The following AUTS2 variants were observed in gnomAD, a reference collection of about 807,000 sequenced individuals.
AUTS2 encodes the protein autism susceptibility gene 2 protein.
In AUTS2, 17 loss-of-function variants were observed where a neutral mutation model predicts 112.4. The ratio of observed to expected loss-of-function variants is 0.15; its 90% confidence interval spans 0.10 to 0.23. The LOEUF is 0.23. AUTS2 is among the 10% of genes least tolerant of loss of function. The probability of loss-of-function intolerance (pLI) is 1.00; values close to 1 mark genes in which losing one functional copy is unlikely to be tolerated. For synonymous variants in AUTS2, 751 were observed against 702.7 expected (o/e 1.07, Z -1.09); for missense variants, 1,510 against 1,701.6 (o/e 0.89, Z 1.98).
Position 70,790,817 on chromosome 7 carries a change from G to A in AUTS2, c.3601G>A (p.Ala1201Thr). ...SMHYPRISPT[A>T]GNQNGLLNKT... is the part of the protein sequence containing the mutation. ...GCACTATCCCCGCATCAGCCCCACC[G>A]CGGGCAACCAGAACGGACTCCTCAA... The change falls in exon 19 of 19, where the codon GCG becomes ACG. Residue 1201 changes from alanine to threonine, a missense_variant. This residue lies in a region of AUTS2 where 788 missense variants were observed against 797.6 expected (regional missense o/e 0.99). Transcript: ENST00000342771. The surrounding 1 kb of genome is among the most constrained non-coding windows in gnomAD (Gnocchi z 7.6). 3 of 1,605,232 alleles carry A rather than the reference G, an allele frequency of 1.9e-6. No homozygotes were observed. Among genetic ancestry groups the A allele is most frequent in the Non-Finnish European group, 1.7e-6 (2 of 1,175,034 alleles).
chr7:70,223,748 C>A (rs1406945837), intron 4 of AUTS2, among the ~76,000 whole-genome samples: 2 of 152,008 alleles, frequency 1.3e-5, no homozygotes, highest in Non-Finnish European at 2.9e-5. Context: ...CATGTTATTG[C>A]CCCTGAAGAC....
intron 1 of AUTS2, among the ~76,000 whole-genome samples, chr7:69,765,483 C>T (rs905857211): frequency 1.3e-5 from 2 of 152,038 alleles, no homozygotes; most frequent in African/African-American, 4.8e-5. Flanking sequence ...ATTAATTACC[C>T]CCACCCCTTT....
At chr7:70,739,936 A>C (rs573742229) in intron 6 of AUTS2, among the ~76,000 whole-genome samples, 1 of 152,176 alleles carries the variant, frequency 6.6e-6, no homozygotes, top group Non-Finnish European at 1.5e-5. Flanking sequence ...AATGTTGGAC[A>C]ACAGCAGTAT....
chr7:69,838,316 A>G (rs901072273), intron 1 of AUTS2, among the ~76,000 whole-genome samples: 1 of 152,124 alleles, frequency 6.6e-6, no homozygotes. Context: ...GATGATGATG[A>G]TGATGATAGC....
intron 4 of AUTS2, among the ~76,000 whole-genome samples, chr7:70,283,245 ATGTTT>A (rs1788306239): frequency 6.6e-6 from 1 of 152,154 alleles, no homozygotes; most frequent in South Asian, 2.1e-4. Context: ...TCTTTCGTTT[ATGTTT>A]TGTTTTGTGA....
chr7:70,055,530 A>G (rs951347372), intron 2 of AUTS2, among the ~76,000 whole-genome samples: 10 of 152,130 alleles, frequency 6.6e-5, no homozygotes, highest in Non-Finnish European at 2.9e-5. Context: ...ATACTGTTAC[A>G]CTCTGTTGTA....
At chr7:70,247,109 A>G (rs1812965838) in intron 4 of AUTS2, among the ~76,000 whole-genome samples, 1 of 152,196 alleles carries the variant, frequency 6.6e-6, no homozygotes, top group Non-Finnish European at 1.5e-5. Context: ...AAAGGTAGAA[A>G]TAACTCACAT....
At chr7:69,771,656 T>C (rs1449474416) in intron 1 of AUTS2, among the ~76,000 whole-genome samples, 15 of 152,128 alleles carry the variant, frequency 9.9e-5, no homozygotes, top group Admixed American at 9.8e-4. Flanking sequence ...GTTTGCCTAG[T>C]AGACAATAAG....
intron 18 of AUTS2, among the ~76,000 whole-genome samples, chr7:70,788,014 G>T (rs922115876): frequency 4.0e-5 from 6 of 151,896 alleles, no homozygotes; most frequent in Admixed American, 2.0e-4. Context: ...GGATAATTTT[G>T]TTAACCGTTG....
intron 11 of AUTS2, among the ~76,000 whole-genome samples, chr7:70,773,115 T>G (rs1790457903): frequency 6.6e-6 from 1 of 152,248 alleles, no homozygotes; most frequent in South Asian, 2.1e-4. Context: ...TGTTAACAAC[T>G]CCAGCTTAAT....
At chr7:70,499,634 C>T (rs148394385) in intron 5 of AUTS2, among the ~76,000 whole-genome samples, 4 of 152,314 alleles carry the variant, frequency 2.6e-5, no homozygotes, top group South Asian at 4.1e-4. Context: ...CCACAGTCAT[C>T]GATGGGAATG....
At chr7:70,115,560 A>G (rs1032022671) in intron 2 of AUTS2, among the ~76,000 whole-genome samples, 1 of 152,236 alleles carries the variant, frequency 6.6e-6, no homozygotes, top group Non-Finnish European at 1.5e-5. Flanking sequence ...AATTTAGAAC[A>G]TATTATGTGG....
chr7:69,769,652 T>C (rs1788578226), intron 1 of AUTS2, among the ~76,000 whole-genome samples: 1 of 152,208 alleles, frequency 6.6e-6, no homozygotes, highest in African/African-American at 2.4e-5. Context: ...GTCTAGAAAT[T>C]AATAATGCAG....
intron 1 of AUTS2, among the ~76,000 whole-genome samples, chr7:69,862,581 A>G (rs1257633837): frequency 6.6e-6 from 1 of 152,244 alleles, no homozygotes; most frequent in Admixed American, 6.5e-5. Flanking sequence ...TTCCCCTTAG[A>G]CAGTTGTGTA....
intron 5 of AUTS2, among the ~76,000 whole-genome samples, chr7:70,589,001 T>C (rs1802812524): frequency 6.6e-6 from 1 of 152,232 alleles, no homozygotes; most frequent in Admixed American, 6.5e-5. Context: ...ACAAAGCTTA[T>C]GCCTACTGAA....
At position 69,610,113 on chromosome 7, in the gene AUTS2, G is replaced by A. The variant is rs558231138; in HGVS notation, c.309+10151G>A. On this transcript the variant is annotated intron_variant, in intron 1 of 18. Transcript: ENST00000342771. Reference sequence around the variant, plus strand: ...TCAAGCATTGTTTAGATTTGCAGCAGCCATGGAATGTATTAATTTGGCAGA... The same window carrying A: ...TCAAGCATTGTTTAGATTTGCAGCAACCATGGAATGTATTAATTTGGCAGA... 1.5e-3 allele frequency among the ~76,000 whole-genome samples: 223 copies of A among 152,346 alleles called. 1 individual carries two copies. Among genetic ancestry groups the A allele is most frequent in the African/African-American group, 4.5e-3 (186 of 41,584 alleles).
intron 4 of AUTS2, among the ~76,000 whole-genome samples, chr7:70,280,721 A>G (rs1356274522): frequency 1.3e-5 from 2 of 152,130 alleles, no homozygotes; most frequent in African/African-American, 4.8e-5. Context: ...CTCCGTCCCC[A>G]ACCCCGACAC....
intron 1 of AUTS2, among the ~76,000 whole-genome samples, chr7:69,703,470 G>C (rs1025158106): frequency 6.6e-6 from 1 of 152,160 alleles, no homozygotes; most frequent in Admixed American, 6.5e-5. Flanking sequence ...ATTTGTCACT[G>C]AATTTCCATG....
chr7:70,119,421 G>A (rs576461011), intron 3 of AUTS2: 2 of 150,370 alleles, frequency 1.3e-5, no homozygotes, highest in East Asian at 2.0e-4. Context: ...CTGGAGTGCA[G>A]TGGCCTGATC....
Sources: gnomAD v4.1 joint callset for allele counts (sites outside exome capture counted in the v4.1 genomes callset) on GRCh38, gnomAD v4.1.1 for gene constraint, gnomAD v4.1.1 regional missense constraint, Gnocchi (gnomAD v3.1) non-coding constraint, MANE v1.5 for transcripts, NCBI Gene and HGNC (gene_info 2026-07-23, HGNC 2026-07-21) for gene names.